The following KIFC3 variants were observed in gnomAD, a reference collection of about 807,000 sequenced individuals.
KIFC3 encodes kinesin family member C3.
In KIFC3, 60 loss-of-function variants were observed where a neutral mutation model predicts 101.8. That is an observed-to-expected ratio of 0.59 (90% confidence interval 0.48 to 0.73). The LOEUF (loss-of-function observed/expected upper bound fraction) is 0.73. KIFC3 is among the 30% of genes least tolerant of loss of function. The probability of loss-of-function intolerance (pLI) is 0.00; values close to 1 mark genes in which losing one functional copy is unlikely to be tolerated. For synonymous variants in KIFC3, 476 were observed against 482.7 expected (o/e 0.99, Z 0.18); for missense variants, 966 against 1,137.1 (o/e 0.85, Z 2.16).
rs573015560 is a variant in KIFC3 at position 57,808,775 on chromosome 16, C to G, written c.109-10493G>C. On this transcript the variant is annotated intron_variant, in intron 1 of 2. Coordinates refer to the KIFC3 transcript ENST00000563028. ...AGGCAGACCTGGGTTTGAGCTCATT[C>G]ACTGGCTCAGTCACTTCTGCTGTGC... Among the ~76,000 whole-genome samples, 181 of 152,290 alleles carry G rather than the reference C, an allele frequency of 1.2e-3. 1 individual carries two copies. Among genetic ancestry groups the G allele is most frequent in the African/African-American group, 4.3e-3 (180 of 41,550 alleles).
chr16:57,833,120 C>T (rs1484771600), intron 1 of KIFC3, among the ~76,000 whole-genome samples: 1 of 151,938 alleles, frequency 6.6e-6, no homozygotes, highest in South Asian at 2.1e-4. Context: ...GCAGAAGAAT[C>T]GCTTGAACCT....
intron 3 of KIFC3, among the ~76,000 whole-genome samples, chr16:57,786,661 G>A (rs1374873624): frequency 6.6e-6 from 1 of 152,152 alleles, no homozygotes; most frequent in Non-Finnish European, 1.5e-5. Context: ...TCGGAGCCTG[G>A]GGCTCTAGGT....
intron 1 of KIFC3, among the ~76,000 whole-genome samples, chr16:57,855,297 G>A (rs1467790352): frequency 6.6e-6 from 1 of 151,714 alleles, no homozygotes; most frequent in East Asian, 1.9e-4. Context: ...GCTAATTTTT[G>A]TATTTTTAAT....
chr16:57,782,478 T>C (rs2052842867), intron 3 of KIFC3: 1 of 152,274 alleles, frequency 6.6e-6, no homozygotes, highest in Non-Finnish European at 1.5e-5. Context: ...GGTAATTAAC[T>C]GTCCCAAGGT....
rs535331731 is a variant in KIFC3, at chr16:57,761,999, C to T, written c.1748+141G>A. 3.1e-4 allele frequency: 339 copies of T among 1,078,652 alleles called. No homozygotes were observed. In the African/African-American group the frequency reaches 4.6e-3, roughly 15 times the overall value. 66.8% of individuals were successfully genotyped at this position (1,078,652 alleles called of 1,614,324 possible). A position where few individuals can be genotyped will look rare whatever the true frequency, so the allele number is the denominator to read the frequency against. On this transcript the variant is annotated intron_variant, in intron 13 of 19. Transcript: ENST00000445690. ...TTCCTATCCCCCATTGCTCCAGCACCACCCCTGAGGATCCCAAAGCTGCCC... is the reference window on the plus strand; with the variant it reads ...TTCCTATCCCCCATTGCTCCAGCACTACCCCTGAGGATCCCAAAGCTGCCC...
chr16:57,775,362 G>A (rs2051905182), intron 3 of KIFC3: 8 of 1,101,934 alleles, frequency 7.3e-6, no homozygotes, highest in Non-Finnish European at 8.8e-6. Flanking sequence ...GGCACCACGA[G>A]CACTCTGGCC....
At chr16:57,862,193 C>CTTT (rs55718589) in intron 1 of KIFC3, among the ~76,000 whole-genome samples, 7,139 of 128,276 alleles carry the variant, frequency 0.056, 254 homozygotes, top group Non-Finnish European at 0.07. Context: ...CTACATCTGG[C>CTTT]TTTTTTTTTT....
chr16:57,789,753 T>A (rs1432777081), intron 3 of KIFC3, among the ~76,000 whole-genome samples: 2 of 149,224 alleles, frequency 1.3e-5, no homozygotes, highest in African/African-American at 2.6e-5. Context: ...CTTTTCTTTT[T>A]TTAAATAGAG....
At chr16:57,760,598 A>G in intron 16 of KIFC3, 128 bp downstream of exon 16, 1 of 1,077,382 alleles carries the variant, frequency 9.3e-7, no homozygotes, top group Non-Finnish European at 1.4e-6. Flanking sequence ...ACTGGGAGTT[A>G]CACAGGGTGT....
intron 3 of KIFC3, among the ~76,000 whole-genome samples, chr16:57,784,899 A>C (rs1029864077): frequency 9.8e-5 from 15 of 152,346 alleles, no homozygotes; most frequent in Admixed American, 2.6e-4. Context: ...TGTCCTGCCC[A>C]GCCAATGAAG....
intron 10 of KIFC3, 133 bp from the exon 11 acceptor site, chr16:57,765,773 G>A: frequency 1.4e-6 from 1 of 739,616 alleles, no homozygotes. Context: ...CCTAGGGGAA[G>A]GGGGCCCACA....
At chr16:57,800,385 C>T (rs941158484) in intron 1 of KIFC3, among the ~76,000 whole-genome samples, 7 of 152,162 alleles carry the variant, frequency 4.6e-5, no homozygotes, top group South Asian at 2.1e-4. Context: ...ACCAGTGTGG[C>T]GTGGAAGAAA....
chr16:57,832,648 C>T (rs2055607576), intron 1 of KIFC3, among the ~76,000 whole-genome samples: 1 of 151,988 alleles, frequency 6.6e-6, no homozygotes, highest in African/African-American at 2.4e-5. Context: ...AGCATACTGC[C>T]CTTTCCCCAA....
chr16:57,826,573 C>G (rs118118634), intron 1 of KIFC3, among the ~76,000 whole-genome samples: 1 of 152,080 alleles, frequency 6.6e-6, no homozygotes, highest in Non-Finnish European at 1.5e-5. Context: ...GAGAAACAAA[C>G]AAAACAAAAC....
At chr16:57,844,506 A>G (rs1464549388) in intron 1 of KIFC3, among the ~76,000 whole-genome samples, 1 of 151,462 alleles carries the variant, frequency 6.6e-6, no homozygotes, top group Non-Finnish European at 1.5e-5. Flanking sequence ...CCTGAAAGCC[A>G]TAGCCTCGTG....
chr16:57,776,534 T>G (rs1480111172), intron 3 of KIFC3: 1 of 421,504 alleles, frequency 2.4e-6, no homozygotes, highest in Non-Finnish European at 3.2e-6. Context: ...TGTCTCTTAG[T>G]TTCCTTATTT....
intron 1 of KIFC3, among the ~76,000 whole-genome samples, chr16:57,810,459 C>G (rs1857101245): frequency 6.6e-6 from 1 of 152,206 alleles, no homozygotes; most frequent in African/African-American, 2.4e-5. Context: ...TAGACTCCCA[C>G]AGCTCTCAGT....
rs1403927710 is a variant in KIFC3, at chr16:57,759,112, G to T, written c.*24+13C>A. On this transcript the variant is annotated intron_variant, in intron 19 of 19. Coordinates refer to ENST00000445690, the MANE Select transcript of KIFC3 (RefSeq NM_001130100.2). ...GCAGGCGGGCAGCCCTGGGCCACAG[G>T]CCCCACACTCACCTAGAGACTCTGC... 2 of 1,550,436 alleles carry T rather than the reference G, an allele frequency of 1.3e-6. No homozygotes were observed. The highest frequency in any genetic ancestry group is 4.9e-5 in the East Asian group (2 of 40,930).
rs551050972 is a variant in KIFC3 at position 57,763,742 on chromosome 16, G to A, written c.1617+401C>T. Among the ~76,000 whole-genome samples, 4 of 152,238 alleles carry A rather than the reference G, an allele frequency of 2.6e-5. No individual in the cohort carries two copies. The East Asian group carries it at 5.8e-4, about 22-fold the overall frequency. On this transcript the variant is annotated intron_variant, in intron 12 of 19. Transcript: ENST00000445690. Reference sequence around the variant, plus strand: ...AGTCTTGCCCTGGGATCTCCTTGAGGACTGAGACCCGCCACTCATCCCAGA... The same window carrying A: ...AGTCTTGCCCTGGGATCTCCTTGAGAACTGAGACCCGCCACTCATCCCAGA...
Sources: gnomAD v4.1 joint callset for allele counts (sites outside exome capture counted in the v4.1 genomes callset) on GRCh38, gnomAD v4.1.1 for gene constraint, MANE v1.5 for transcripts, NCBI Gene and HGNC (gene_info 2026-07-23, HGNC 2026-07-21) for gene names.